The following GABRB2 variants were observed in gnomAD, a reference collection of about 807,000 sequenced individuals.
GABRB2 encodes the protein gamma-aminobutyric acid type A receptor subunit beta2.
A neutral mutation model predicts 54.7 loss-of-function variants in GABRB2; 16 were observed. The observed-to-expected ratio is 0.29, with a 90% CI of 0.20 to 0.44. The LOEUF (loss-of-function observed/expected upper bound fraction) is 0.44. Ranked by LOEUF, GABRB2 falls within the 20% of genes least tolerant of loss-of-function variation. The probability of loss-of-function intolerance (pLI) is 1.00; values close to 1 mark genes in which losing one functional copy is unlikely to be tolerated. For missense variants in GABRB2, 355 were observed against 644.0 expected, an observed-to-expected ratio of 0.55 and a Z score of 4.86; for synonymous variants, 244 against 233.8, an observed-to-expected ratio of 1.04 and a Z score of -0.40.
intron 4 of GABRB2, among the ~76,000 whole-genome samples, chr5:161,456,166 TTTTTC>T (rs769586882): frequency 6.6e-6 from 1 of 152,160 alleles, no homozygotes; most frequent in Non-Finnish European, 1.5e-5. Context: ...ATATTTAAAG[TTTTTC>T]TTCTGCCAGC....
chr5:161,336,083 C>T (rs552485112), intron 6 of GABRB2, among the ~76,000 whole-genome samples: 1 of 152,260 alleles, frequency 6.6e-6, no homozygotes, highest in East Asian at 1.9e-4. Flanking sequence ...TATAAAATCT[C>T]CATGCCGTAA....
At chr5:161,403,170 T>G (rs1756252963) in intron 5 of GABRB2, among the ~76,000 whole-genome samples, 6 of 152,104 alleles carry the variant, frequency 3.9e-5, no homozygotes, top group Admixed American at 3.9e-4. Context: ...TAGCTCCTAA[T>G]TTAGATATTG....
chr5:161,546,537 A>G (rs1760990750), intron 1 of GABRB2, 30 bp downstream of exon 1: 1 of 1,585,650 alleles, frequency 6.3e-7, no homozygotes. Context: ...CAAAGTGAGA[A>G]CGGAAAAGAG....
At chr5:161,407,413 CTT>C (rs1756377214) in intron 5 of GABRB2, among the ~76,000 whole-genome samples, 1 of 151,976 alleles carries the variant, frequency 6.6e-6, no homozygotes, top group Non-Finnish European at 1.5e-5. Flanking sequence ...GTGATTAAAA[CTT>C]ATTTTTTTTT....
intron 3 of GABRB2, among the ~76,000 whole-genome samples, 162 bp downstream of exon 3, chr5:161,545,065 C>T (rs551488040): frequency 1.3e-5 from 2 of 152,158 alleles, no homozygotes; most frequent in African/African-American, 4.8e-5. Flanking sequence ...AGAGTCAACT[C>T]TCTAACCTCA....
At chr5:161,398,968 C>T (rs1389525833) in intron 5 of GABRB2, among the ~76,000 whole-genome samples, 1 of 152,122 alleles carries the variant, frequency 6.6e-6, no homozygotes, top group East Asian at 1.9e-4. Flanking sequence ...AAGTGATTAG[C>T]AGTGCCTTGG....
At chr5:161,302,232 C>T (rs2113347711) in intron 9 of GABRB2, among the ~76,000 whole-genome samples, 1 of 152,322 alleles carries the variant, frequency 6.6e-6, no homozygotes, top group East Asian at 1.9e-4. Flanking sequence ...AGTTTCCTTT[C>T]CCCTCTTTCT....
At chr5:161,425,679 C>A (rs574512028) in intron 4 of GABRB2, among the ~76,000 whole-genome samples, 206 of 152,132 alleles carry the variant, frequency 1.4e-3, no homozygotes, top group Non-Finnish European at 2.4e-3. Context: ...CCTGCAATAT[C>A]TCTGAGGTAT....
chr5:161,396,279 C>T (rs1193552988), intron 5 of GABRB2, among the ~76,000 whole-genome samples: 2 of 152,132 alleles, frequency 1.3e-5, no homozygotes, highest in Non-Finnish European at 2.9e-5. Context: ...GACTGCTTAG[C>T]CTTTACTATG....
chr5:161,468,601 A>C (rs1312624945), intron 3 of GABRB2, among the ~76,000 whole-genome samples: 1 of 152,010 alleles, frequency 6.6e-6, no homozygotes, highest in Non-Finnish European at 1.5e-5. Flanking sequence ...TTTTTCAGTT[A>C]ATAACATTCA....
chr5:161,333,487 T>G (rs996646294), intron 7 of GABRB2, among the ~76,000 whole-genome samples: 1 of 152,204 alleles, frequency 6.6e-6, no homozygotes, highest in Non-Finnish European at 1.5e-5. Context: ...TTGAGCCACA[T>G]AATTTAATTT....
At chr5:161,533,812 T>C (rs537362187) in intron 3 of GABRB2, among the ~76,000 whole-genome samples, 2 of 152,312 alleles carry the variant, frequency 1.3e-5, no homozygotes, top group African/African-American at 4.8e-5. Context: ...ATGTATTTTT[T>C]AATAAAACTG....
At chr5:161,368,116 G>GAGACAC (rs1554096290) in intron 5 of GABRB2, among the ~76,000 whole-genome samples, 30 of 145,012 alleles carry the variant, frequency 2.1e-4, no homozygotes, top group Non-Finnish European at 4.1e-4. Flanking sequence ...CTCCCTCTCT[G>GAGACAC]ACACACACAC....
intron 3 of GABRB2, among the ~76,000 whole-genome samples, chr5:161,514,881 C>T (rs991712505): frequency 3.3e-5 from 5 of 152,242 alleles, no homozygotes; most frequent in Admixed American, 6.5e-5. Flanking sequence ...TCTCTACTTT[C>T]GTCACATTAA....
chr5:161,343,408 T>G (rs1165492334), intron 5 of GABRB2, among the ~76,000 whole-genome samples: 2 of 152,048 alleles, frequency 1.3e-5, no homozygotes, highest in African/African-American at 4.8e-5. Context: ...AATTCAAATC[T>G]TACGATGTAG....
At chr5:161,538,227 G>C (rs778817513) in intron 3 of GABRB2, among the ~76,000 whole-genome samples, 1 of 152,038 alleles carries the variant, frequency 6.6e-6, no homozygotes, top group Non-Finnish European at 1.5e-5. Context: ...TGTGGCATTC[G>C]CCCGGGGTCA....
chr5:161,297,065 T>G (rs1011437572), intron 9 of GABRB2, among the ~76,000 whole-genome samples: 7 of 152,140 alleles, frequency 4.6e-5, no homozygotes, highest in African/African-American at 1.4e-4. Flanking sequence ...AAAAGAAAAT[T>G]AAGTATGTTG....
chr5:161,544,957 G>C (rs1171975914), intron 3 of GABRB2, among the ~76,000 whole-genome samples: 1 of 152,078 alleles, frequency 6.6e-6, no homozygotes, highest in Non-Finnish European at 1.5e-5. Context: ...GGCTTCTGTA[G>C]GGGGTCTCCT....
chr5:161,479,561 A>C (rs1758692146), intron 3 of GABRB2, among the ~76,000 whole-genome samples: 1 of 151,106 alleles, frequency 6.6e-6, no homozygotes, highest in Non-Finnish European at 1.5e-5. Context: ...AAAATAGCAG[A>C]GTAACCATGA....
Sources: allele counts gnomAD v4.1 joint callset (sites outside exome capture counted in the v4.1 genomes callset), GRCh38; gene constraint gnomAD v4.1.1; transcripts MANE v1.5; gene names NCBI Gene and HGNC (gene_info 2026-07-23, HGNC 2026-07-21).